Variants in GRID2IP observed in about 807,000 individuals in gnomAD.
The protein encoded by GRID2IP is Grid2 interacting protein.
In GRID2IP, 78 loss-of-function variants were observed where a neutral mutation model predicts 114.3. The observed-to-expected ratio is 0.68, with a 90% CI of 0.57 to 0.82. GRID2IP has a LOEUF of 0.82. Ranked by LOEUF, GRID2IP falls within the 40% of genes least tolerant of loss-of-function variation. The probability of loss-of-function intolerance (pLI) is 0.00; values close to 1 mark genes in which losing one functional copy is unlikely to be tolerated. For missense variants in GRID2IP, 1,727 were observed against 1,678.5 expected (o/e 1.03, Z -0.51); for synonymous variants, 809 against 724.0 (o/e 1.12, Z -1.89).
chr7:6,550,036 G>A (rs1460928979), intron 1 of GRID2IP, among the ~76,000 whole-genome samples: 1 of 131,012 alleles, frequency 7.6e-6, no homozygotes, highest in Non-Finnish European at 1.9e-5. Flanking sequence ...CGTTACCCAG[G>A]CTGGAATGCA....
chr7:6,542,659 C>CAATA (rs901400131), intron 1 of GRID2IP, among the ~76,000 whole-genome samples: 8 of 151,922 alleles, frequency 5.3e-5, no homozygotes, highest in South Asian at 2.1e-4. Flanking sequence ...GACCCCATTT[C>CAATA]AATAAATAAA....
At position 6,523,982 on chromosome 7, in the gene GRID2IP, G is replaced by A. The variant is rs1257553448; in HGVS notation, c.920-2025C>T. 1.3e-5 allele frequency among the ~76,000 whole-genome samples: 2 copies of A among 152,156 alleles called. No homozygotes were observed. The highest frequency in any genetic ancestry group is 2.9e-5 in the Non-Finnish European group (2 of 68,038). On this transcript the variant is annotated intron_variant, in intron 4 of 21. Transcript: ENST00000457091. This position sits in a 1 kb window ranked among gnomAD's most constrained non-coding sequence, Gnocchi z 4.5. ...AGGAAGCTCTCCAGAGAGCAGCTTT[G>A]GGCCTTTTGCTTACAATATGGTGTC...
At position 6,507,379 on chromosome 7, in the gene GRID2IP, G is replaced by A. The variant is rs372617555; in HGVS notation, c.2544+606C>T. On this transcript the variant is annotated intron_variant, in intron 13 of 21. Coordinates refer to ENST00000457091, the MANE Select transcript of GRID2IP (RefSeq NM_001145118.2). The surrounding 1 kb of genome is among the most constrained non-coding windows in gnomAD (Gnocchi z 5.3). ...AAACCATGTTCTAAGAGAATGATCT[G>A]AAAAAAAAAAAAAGGGGTGGGGTGA... Among the ~76,000 whole-genome samples, 3,431 of 139,680 alleles carry A rather than the reference G, an allele frequency of 0.025. 61 individuals carry two copies. Among genetic ancestry groups the A allele is most frequent in the Middle Eastern group, 0.045 (12 of 268 alleles). 91.6% of individuals were successfully genotyped at this position (139,680 alleles called of 152,430 possible).
intron 1 of GRID2IP, among the ~76,000 whole-genome samples, chr7:6,545,818 G>C (rs540294177): frequency 3.0e-4 from 45 of 152,326 alleles, no homozygotes; most frequent in African/African-American, 1.1e-3. Flanking sequence ...CTCCCTGTGA[G>C]TGGGCCAGGC....
intron 4 of GRID2IP, 87 bp from the exon 5 acceptor site, chr7:6,522,044 A>G: frequency 9.1e-7 from 1 of 1,095,320 alleles, no homozygotes; most frequent in Non-Finnish European, 1.4e-6. Context: ...CAGGCGAGAA[A>G]TGGAGACTCA....
intron 15 of GRID2IP, among the ~76,000 whole-genome samples, chr7:6,504,277 G>C (rs889017432): frequency 6.6e-6 from 1 of 150,940 alleles, no homozygotes; most frequent in Non-Finnish European, 1.5e-5. Context: ...GTTCGAGCGG[G>C]GGGAGAGGGC....
rs777967735 is a variant in GRID2IP, at chr7:6,504,752, C to T, written c.2710+41G>A. The T allele has an allele frequency of 1.8e-5, 27 of 1,489,648 alleles. 1 individual carries two copies. The highest frequency in any genetic ancestry group is 1.8e-6 in the Non-Finnish European group (2 of 1,092,678). The allele number at this position is 1,489,648 out of a possible 1,614,324, so 92.3% of individuals were successfully genotyped here. A position where few individuals can be genotyped will look rare whatever the true frequency, so the allele number is the denominator to read the frequency against. On this transcript the variant is annotated intron_variant, in intron 15 of 21. Transcript: ENST00000457091. ...GTCTGAGGCCCAGAGAAAGGGCCGC[C>T]GCCTGCCCCCTACACCCCCTGGGGT...
In GRID2IP at chr7:6,508,383, G is replaced by T; in HGVS notation, c.2146C>A (p.Gln716Lys). ...CGCTCATTGGTTACGAAGCTGCCCT[G>T]GTCATCATGGAAGCTCATCTGGTGG... ...DYEEMSFHDD[Q>K]GSFVTNERSS... is the part of the protein sequence containing the mutation. Residue 716 changes from glutamine to lysine, a missense_variant, in exon 13 of 22, where the codon CAG becomes AAG. By Grantham distance (53) the Gln-to-Lys change is moderately conservative. Transcript: ENST00000457091. This position sits in a 1 kb window ranked among gnomAD's most constrained non-coding sequence, Gnocchi z 5.6. The T allele has an allele frequency of 1.3e-6, 2 of 1,551,452 alleles. No individual in the cohort carries two copies. The highest frequency in any genetic ancestry group is 3.9e-5 in the Admixed American group (2 of 50,998).
rs1273339399 is a variant in GRID2IP at position 6,514,534 on chromosome 7, G to A, written c.1269-5C>T. 6.6e-7 allele frequency: 1 copy of A among 1,512,644 alleles called. No individual in the cohort carries two copies. The highest frequency in any genetic ancestry group is 1.2e-5 in the South Asian group (1 of 80,962). The allele number at this position is 1,512,644 out of a possible 1,614,324, so 93.7% of individuals were successfully genotyped here. On this transcript the variant is annotated splice_polypyrimidine_tract_variant and splice_region_variant and intron_variant, in intron 7 of 21. Transcript: ENST00000457091. ...ACGATGAGGGTGTCGATGTTCCTGG[G>A]GGAAGGTGCAGGAATGTGAGGCTCA...
intron 21 of GRID2IP, 66 bp downstream of exon 21, chr7:6,497,998 T>A (rs758363540): frequency 1.2e-4 from 169 of 1,457,686 alleles, no homozygotes; most frequent in Non-Finnish European, 1.5e-4. Flanking sequence ...TCATGGAGGA[T>A]CCCTTCATTT....
rs537008030 is a variant in GRID2IP at position 6,500,079 on chromosome 7, C to T, written c.3399+1702G>A. Among the ~76,000 whole-genome samples the T allele has an allele frequency of 4.6e-5, 7 of 152,150 alleles. No individual in the cohort carries two copies. The East Asian group carries it at 9.7e-4, about 21-fold the overall frequency. ...CATCCATCTTCTCTCTGGGGACCTC[C>T]AAGCCCAAGGAAGCCGCCAATACCC... On this transcript the variant is annotated intron_variant, in intron 20 of 21. Coordinates refer to ENST00000457091, the MANE Select transcript of GRID2IP (RefSeq NM_001145118.2).
At chr7:6,502,159 AT>A in intron 18 of GRID2IP, 41 bp from the exon 19 acceptor site, 1 of 1,542,614 alleles carries the variant, frequency 6.5e-7, no homozygotes, top group African/African-American at 1.4e-5. Context: ...CAAGGACCCC[AT>A]CAGATGGGGT....
chr7:6,549,243 G>C (rs1779931331), intron 1 of GRID2IP, among the ~76,000 whole-genome samples: 1 of 152,158 alleles, frequency 6.6e-6, no homozygotes, highest in African/African-American at 2.4e-5. Flanking sequence ...GGTTGCTTGG[G>C]ATTCAGGCCT....
At chr7:6,537,479 G>A (rs1361058515) in intron 2 of GRID2IP, among the ~76,000 whole-genome samples, 1 of 139,970 alleles carries the variant, frequency 7.1e-6, no homozygotes, top group Non-Finnish European at 1.5e-5. Context: ...CTGGGTTCAA[G>A]TGATTCTCCT....
At chr7:6,524,852 G>A (rs193292833) in intron 4 of GRID2IP, among the ~76,000 whole-genome samples, 96 of 151,846 alleles carry the variant, frequency 6.3e-4, no homozygotes, top group Non-Finnish European at 1.0e-3. Flanking sequence ...GAGTAGCTGG[G>A]ACTACAGGCA....
chr7:6,546,683 C>T (rs1779894108), intron 1 of GRID2IP, among the ~76,000 whole-genome samples: 1 of 152,074 alleles, frequency 6.6e-6, no homozygotes, highest in South Asian at 2.1e-4. Flanking sequence ...CCCAGCGAGC[C>T]CTAACCAAAA....
In GRID2IP at chr7:6,503,086, C is replaced by T. The variant is rs1195296206; in HGVS notation, c.2985G>A (p.Glu995=). The change falls in exon 17 of 22, where the codon GAG becomes GAA. Residue 995 remains glutamate, a synonymous_variant. Transcript: ENST00000457091. ...FQATLQEKTE[E]IRGSLECLRQ... ...GCAAGCATTCAAGGCTGCCTCGGAT[C>T]TCCTCTGTCTTCTCCTGGAGGGTGG... is the stretch of plus-strand genomic sequence containing the variant. The T allele has an allele frequency of 1.3e-6, 2 of 1,551,414 alleles. No individual in the cohort carries two copies. The highest frequency in any genetic ancestry group is 2.4e-5 in the East Asian group (1 of 40,920).
rs1779688905 is a variant in GRID2IP at position 6,534,416 on chromosome 7, T to C, written c.584+5302A>G. 6.6e-6 allele frequency among the ~76,000 whole-genome samples: 1 copy of C among 152,208 alleles called. No homozygotes were observed. The highest frequency in any genetic ancestry group is 2.4e-5 in the African/African-American group (1 of 41,452). On this transcript the variant is annotated intron_variant, in intron 2 of 21. Coordinates refer to ENST00000457091, the MANE Select transcript of GRID2IP (RefSeq NM_001145118.2). The surrounding 1 kb of genome is among the most constrained non-coding windows in gnomAD (Gnocchi z 4.5). Reference sequence around the variant, plus strand: ...ATTAGAAAGCCATTTTCTCACTTCATCAGACCGGGGTCCCTTTGGGGAGAG... The same window carrying C: ...ATTAGAAAGCCATTTTCTCACTTCACCAGACCGGGGTCCCTTTGGGGAGAG...
At position 6,551,079 on chromosome 7, in the gene GRID2IP, G is replaced by T. The variant is rs1243809449; in HGVS notation, c.358C>A (p.Leu120Met). ...GCGTCCGGGCGCTTGCGGCCGGCCA[G>T]GCGAAGCAGCTCACGGCCCAGAGCT... The part of the protein sequence containing the change: ...GLALGRELLR[L>M]AGRKRPDAVH... The change falls in exon 1 of 22, where the codon CTG becomes ATG. Residue 120 changes from leucine to methionine, a missense_variant. Physicochemically the swap from Leu to Met is conservative, Grantham distance 15 (BLOSUM62 2). Coordinates refer to ENST00000457091, the MANE Select transcript of GRID2IP (RefSeq NM_001145118.2). The T allele has an allele frequency of 7.6e-7, 1 of 1,314,900 alleles. No individual in the cohort carries two copies. 81.5% of individuals were successfully genotyped at this position (1,314,900 alleles called of 1,614,324 possible).
Sources: allele counts gnomAD v4.1 joint callset (sites outside exome capture counted in the v4.1 genomes callset), GRCh38; gene constraint gnomAD v4.1.1; non-coding constraint Gnocchi (gnomAD v3.1); transcripts MANE v1.5; gene names NCBI Gene and HGNC (gene_info 2026-07-23, HGNC 2026-07-21).